The following YWHAQ variants were observed in gnomAD, a reference collection of about 807,000 sequenced individuals.
The protein encoded by YWHAQ is 14-3-3 protein theta.
YWHAQ carries 6 observed loss-of-function variants against 28.3 expected under a neutral mutation model. That is an observed-to-expected ratio of 0.21 (90% CI 0.12 to 0.42). The LOEUF is 0.42. Ranked by LOEUF, YWHAQ falls within the 10% of genes least tolerant of loss-of-function variation. The probability of loss-of-function intolerance (pLI) is 1.00; values close to 1 mark genes in which losing one functional copy is unlikely to be tolerated. For synonymous variants in YWHAQ, 143 were observed against 119.1 expected (o/e 1.20, Z -1.31); for missense variants, 201 against 305.6 (o/e 0.66, Z 2.55).
intron 2 of YWHAQ, among the ~76,000 whole-genome samples, chr2:9,597,658 AAG>A (rs1158603532): frequency 4.0e-5 from 6 of 151,378 alleles, no homozygotes; most frequent in African/African-American, 7.3e-5. Context: ...AAAAAAGAAA[AAG>A]AAAAAAAAAT....
chr2:9,596,250 GAAC>G (rs564641630), intron 2 of YWHAQ, among the ~76,000 whole-genome samples: 58 of 148,290 alleles, frequency 3.9e-4, no homozygotes, highest in African/African-American at 1.4e-3. Flanking sequence ...GCTTCCAGAA[GAAC>G]AACAAAACCC....
At chr2:9,629,753 T>C (rs954342579) in intron 2 of YWHAQ, among the ~76,000 whole-genome samples, 7 of 152,200 alleles carry the variant, frequency 4.6e-5, no homozygotes, top group Admixed American at 3.3e-4. Flanking sequence ...CCCTACTACA[T>C]TGTCTGTAAC....
At chr2:9,617,952 A>T (rs1161207719) in intron 2 of YWHAQ, among the ~76,000 whole-genome samples, 3 of 152,120 alleles carry the variant, frequency 2.0e-5, no homozygotes, top group Non-Finnish European at 4.4e-5. Flanking sequence ...TTCTGATGCA[A>T]GCTACAACAC....
intron 2 of YWHAQ, among the ~76,000 whole-genome samples, chr2:9,623,361 G>C (rs565259819): frequency 1.3e-5 from 2 of 152,328 alleles, no homozygotes; most frequent in Admixed American, 6.5e-5. Context: ...CACATCTTTT[G>C]ATTTGGAAAT....
At chr2:9,611,038 G>C (rs1666937206) in intron 2 of YWHAQ, among the ~76,000 whole-genome samples, 1 of 152,126 alleles carries the variant, frequency 6.6e-6, no homozygotes. Flanking sequence ...ACTTTTCTCA[G>C]ACAAGTAAGC....
intron 2 of YWHAQ, among the ~76,000 whole-genome samples, chr2:9,593,614 A>G (rs1439438985): frequency 2.0e-5 from 3 of 152,030 alleles, no homozygotes; most frequent in Non-Finnish European, 4.4e-5. Flanking sequence ...ATTGCCTGAG[A>G]GCCCAGGAGT....
At chr2:9,602,689 G>A (rs928274821) in intron 2 of YWHAQ, among the ~76,000 whole-genome samples, 3 of 150,500 alleles carry the variant, frequency 2.0e-5, no homozygotes, top group Non-Finnish European at 4.4e-5. Context: ...AGGCTACCAC[G>A]CCCAGCTAAT....
chr2:9,605,809 G>A (rs557261087), intron 2 of YWHAQ, among the ~76,000 whole-genome samples: 4 of 151,280 alleles, frequency 2.6e-5, no homozygotes, highest in South Asian at 2.1e-4. Flanking sequence ...TGATCTGCCC[G>A]CTGTGGCCTC....
rs532591834 is a variant in YWHAQ at position 9,607,368 on chromosome 2, A to AT, written c.295-15854dup. Among the ~76,000 whole-genome samples the AT allele has an allele frequency of 2.5e-3, 356 of 140,172 alleles. 1 individual carries two copies. Among genetic ancestry groups the AT allele is most frequent in the African/African-American group, 4.6e-3 (175 of 38,148 alleles). 92.0% of individuals were successfully genotyped at this position (140,172 alleles called of 152,430 possible). On this transcript the variant is annotated intron_variant, in intron 2 of 5. Coordinates refer to ENST00000238081, the MANE Select transcript of YWHAQ (RefSeq NM_006826.4). Reference sequence around the variant, plus strand: ...AGGCACATACCACCATGCCCAGCTAATTTTTTTTTTTTTTGTATTTTTAGT... The same window carrying AT: ...AGGCACATACCACCATGCCCAGCTAATTTTTTTTTTTTTTTGTATTTTTAGT...
At chr2:9,598,099 T>G (rs1459277908) in intron 2 of YWHAQ, among the ~76,000 whole-genome samples, 1 of 150,150 alleles carries the variant, frequency 6.7e-6, no homozygotes, top group East Asian at 1.9e-4. Context: ...CTCCCAATGT[T>G]GGGATTACAG....
chr2:9,620,244 G>T (rs972609463), intron 2 of YWHAQ, among the ~76,000 whole-genome samples: 1 of 152,170 alleles, frequency 6.6e-6, no homozygotes, highest in African/African-American at 2.4e-5. Flanking sequence ...GAGACAGAAT[G>T]TTCAAATGAA....
At chr2:9,595,937 A>G (rs10495571) in intron 2 of YWHAQ, among the ~76,000 whole-genome samples, 23,025 of 152,034 alleles carry the variant, frequency 0.15, 2,172 homozygotes, top group Middle Eastern at 0.24. Context: ...GAGAATTTGA[A>G]AACTAAGAGG....
At chr2:9,587,764 A>G (rs571061886) in intron 4 of YWHAQ, among the ~76,000 whole-genome samples, 1 of 152,364 alleles carries the variant, frequency 6.6e-6, no homozygotes, top group Admixed American at 6.5e-5. Flanking sequence ...AATGCTTAAC[A>G]GACTTCTTTC....
At chr2:9,588,921 C>T (rs776784002) in intron 3 of YWHAQ, among the ~76,000 whole-genome samples, 1 of 151,990 alleles carries the variant, frequency 6.6e-6, no homozygotes, top group Non-Finnish European at 1.5e-5. Flanking sequence ...CCAGCCTGGG[C>T]AACACAGGGA....
intron 2 of YWHAQ, among the ~76,000 whole-genome samples, chr2:9,619,041 T>C (rs1667090124): frequency 6.6e-6 from 1 of 152,194 alleles, no homozygotes; most frequent in Admixed American, 6.5e-5. Context: ...TCTATACTAA[T>C]AATCTTAGTA....
chr2:9,606,599 G>A (rs1666834904), intron 2 of YWHAQ, among the ~76,000 whole-genome samples: 2 of 152,022 alleles, frequency 1.3e-5, no homozygotes, highest in African/African-American at 2.4e-5. Flanking sequence ...GTGTGATATC[G>A]GCTCACTGCA....
chr2:9,587,613 T>G, intron 4 of YWHAQ, 104 bp from the exon 5 acceptor site: 3 of 958,578 alleles, frequency 3.1e-6, no homozygotes. Context: ...CCACCTTATG[T>G]TCTACCATCA....
intron 2 of YWHAQ, among the ~76,000 whole-genome samples, chr2:9,607,944 G>A (rs1003400383): frequency 1.3e-5 from 2 of 151,826 alleles, no homozygotes; most frequent in African/African-American, 4.8e-5. Flanking sequence ...AACTCCTGAC[G>A]TAATCCGCCC....
chr2:9,625,392 A>G (rs1667230952), intron 2 of YWHAQ, among the ~76,000 whole-genome samples: 1 of 152,190 alleles, frequency 6.6e-6, no homozygotes, highest in South Asian at 2.1e-4. Flanking sequence ...AGTCTTCAAT[A>G]TTACAGACTA....
Sources: gnomAD v4.1 joint callset for allele counts (sites outside exome capture counted in the v4.1 genomes callset) on GRCh38, gnomAD v4.1.1 for gene constraint, MANE v1.5 for transcripts, NCBI Gene and HGNC (gene_info 2026-07-23, HGNC 2026-07-21) for gene names.